The following HS6ST3 variants were observed in gnomAD, a reference collection of about 807,000 sequenced individuals.
HS6ST3 encodes the protein heparan-sulfate 6-O-sulfotransferase 3.
Under a neutral mutation model 36.7 loss-of-function variants are expected in HS6ST3, and 12 were observed. The observed-to-expected ratio is 0.33, with a 90% CI of 0.21 to 0.53. HS6ST3 has a LOEUF of 0.53. HS6ST3 is among the 20% of genes least tolerant of loss of function. HS6ST3 has a pLI of 0.95. For missense variants in HS6ST3, 584 were observed against 640.9 expected, an observed-to-expected ratio of 0.91 and a Z score of 0.96; for synonymous variants, 240 against 257.5, an observed-to-expected ratio of 0.93 and a Z score of 0.65.
At chr13:96,681,027 T>G (rs1474990259) in intron 1 of HS6ST3, among the ~76,000 whole-genome samples, 1 of 152,168 alleles carries the variant, frequency 6.6e-6, no homozygotes, top group East Asian at 1.9e-4. Context: ...CATAAGTTGT[T>G]TTTTCCTAAA....
At chr13:96,756,535 C>CA (rs1403201837) in intron 1 of HS6ST3, among the ~76,000 whole-genome samples, 1 of 151,950 alleles carries the variant, frequency 6.6e-6, no homozygotes, top group Admixed American at 6.6e-5. Flanking sequence ...TAATTTCTAC[C>CA]AAAAAAACCT....
chr13:96,582,061 G>C (rs1055148262), intron 1 of HS6ST3, among the ~76,000 whole-genome samples: 1 of 152,186 alleles, frequency 6.6e-6, no homozygotes, highest in Non-Finnish European at 1.5e-5. Context: ...TGCAGATCTG[G>C]TGTCTAGATC....
intron 1 of HS6ST3, among the ~76,000 whole-genome samples, chr13:96,427,899 C>A (rs2055595160): frequency 6.6e-6 from 1 of 152,148 alleles, no homozygotes; most frequent in Non-Finnish European, 1.5e-5. Context: ...GAATACCTCA[C>A]AATTTGGGAT....
At chr13:96,313,844 T>C (rs1262973218) in intron 1 of HS6ST3, among the ~76,000 whole-genome samples, 4 of 152,174 alleles carry the variant, frequency 2.6e-5, no homozygotes, top group African/African-American at 9.6e-5. Flanking sequence ...GTGAGTCTCC[T>C]TGACTCTTTA....
At position 96,141,060 on chromosome 13, in the gene HS6ST3, A is replaced by G. The variant is rs566979291; in HGVS notation, c.707+49491A>G. ...TTTTTAATGAAGACAAAAGTGTCCT[A>G]TTCTGGACAAAAGAATGTCACAAAA... On this transcript the variant is annotated intron_variant, in intron 1 of 1. Transcript: ENST00000376705. Among the ~76,000 whole-genome samples, 5 of 152,338 alleles carry G rather than the reference A, an allele frequency of 3.3e-5. No individual in the cohort carries two copies. In the South Asian group the frequency reaches 1.0e-3, roughly 32 times the overall value.
chr13:96,129,744 G>T (rs1049230540), intron 1 of HS6ST3, among the ~76,000 whole-genome samples: 2 of 152,174 alleles, frequency 1.3e-5, no homozygotes, highest in Admixed American at 1.3e-4. Flanking sequence ...TTAAAATGAG[G>T]TTATTTTAGG....
At chr13:96,099,314 C>T (rs931111214) in intron 1 of HS6ST3, among the ~76,000 whole-genome samples, 1 of 152,100 alleles carries the variant, frequency 6.6e-6, no homozygotes, top group Non-Finnish European at 1.5e-5. Context: ...TTTGGAACTT[C>T]TCCTCCTGAA....
chr13:96,111,493 G>A (rs1046031865), intron 1 of HS6ST3, among the ~76,000 whole-genome samples: 2 of 152,064 alleles, frequency 1.3e-5, no homozygotes, highest in Admixed American at 6.6e-5. Context: ...GGCTGCTAAG[G>A]CAAATAAATA....
intron 1 of HS6ST3, among the ~76,000 whole-genome samples, chr13:96,543,279 A>G (rs112003863): frequency 1.1e-4 from 16 of 152,288 alleles, no homozygotes; most frequent in African/African-American, 3.8e-4. Flanking sequence ...GATTGGGTCA[A>G]GGTTTCCCTG....
At chr13:96,564,049 TC>T (rs1234992045) in intron 1 of HS6ST3, among the ~76,000 whole-genome samples, 1 of 152,160 alleles carries the variant, frequency 6.6e-6, no homozygotes, top group Non-Finnish European at 1.5e-5. Flanking sequence ...CATTTTTCAG[TC>T]CCCCTCAATA....
intron 1 of HS6ST3, among the ~76,000 whole-genome samples, chr13:96,493,384 G>A (rs777987039): frequency 2.0e-5 from 3 of 152,056 alleles, no homozygotes; most frequent in Non-Finnish European, 2.9e-5. Flanking sequence ...TGCCAATAGA[G>A]CGTTTTGCTA....
rs67524779 is a variant in HS6ST3, at chr13:96,779,316, C to CAATAAT, written c.708-53146_708-53141dup. ...ACATGTATTCCAGAACTTAAAGTAT[C>CAATAAT]AATAATAATAATAATAATAATAATA... On this transcript the variant is annotated intron_variant, in intron 1 of 1. Transcript: ENST00000376705. Among the ~76,000 whole-genome samples, 686 of 147,468 alleles carry CAATAAT rather than the reference C, an allele frequency of 4.7e-3. 5 individuals are homozygous for CAATAAT. The highest frequency in any genetic ancestry group is 0.012 in the African/African-American group (480 of 39,908).
chr13:96,229,414 G>A (rs1326343166), intron 1 of HS6ST3, among the ~76,000 whole-genome samples: 1 of 152,182 alleles, frequency 6.6e-6, no homozygotes, highest in African/African-American at 2.4e-5. Context: ...TCTGGAGTCT[G>A]GGACGACTAG....
chr13:96,453,799 C>T lies in HS6ST3; in HGVS notation c.707+362230C>T, dbSNP rs191113919. Among the ~76,000 whole-genome samples, 58 of 152,290 alleles carry T rather than the reference C, an allele frequency of 3.8e-4. 1 individual carries two copies. The highest frequency in any genetic ancestry group is 3.3e-3 in the Admixed American group (51 of 15,290). On this transcript the variant is annotated intron_variant, in intron 1 of 1. Transcript: ENST00000376705. ...CTTAGTACATAACACCCCTTCTTTTCGCCAACTCTGAATAATCTGAAAAAT... is the reference window on the plus strand; with the variant it reads ...CTTAGTACATAACACCCCTTCTTTTTGCCAACTCTGAATAATCTGAAAAAT...
chr13:96,778,810 T>C (rs941606661), intron 1 of HS6ST3, among the ~76,000 whole-genome samples: 1 of 152,082 alleles, frequency 6.6e-6, no homozygotes, highest in Non-Finnish European at 1.5e-5. Flanking sequence ...CCAGCAATCC[T>C]ATTACTGGGT....
rs192397549 is a variant in HS6ST3, at chr13:96,137,971, G to A, written c.707+46402G>A. ...CAGTGTAAAATGCTGATAAGTAAGTGTCTAGTTCCTGGAAAGTCTTCAGTG... is the reference window on the plus strand; with the variant it reads ...CAGTGTAAAATGCTGATAAGTAAGTATCTAGTTCCTGGAAAGTCTTCAGTG... On this transcript the variant is annotated intron_variant, in intron 1 of 1. Transcript: ENST00000376705. 9.2e-5 allele frequency among the ~76,000 whole-genome samples: 14 copies of A among 152,316 alleles called. No homozygotes were observed. The East Asian group carries it at 2.3e-3, about 25-fold the overall frequency.
At chr13:96,693,429 C>T (rs1434263832) in intron 1 of HS6ST3, among the ~76,000 whole-genome samples, 4 of 152,040 alleles carry the variant, frequency 2.6e-5, no homozygotes, top group East Asian at 3.9e-4. Context: ...CTCAGCCTCC[C>T]GAGTAGCTGG....
intron 1 of HS6ST3, among the ~76,000 whole-genome samples, chr13:96,691,570 CTTATTTTATT>C (rs1022006040): frequency 2.6e-5 from 4 of 151,854 alleles, no homozygotes; most frequent in African/African-American, 9.7e-5. Context: ...TTTATTTTAT[CTTATTTTATT>C]TTTCTTTCTT....
chr13:96,434,098 A>G (rs2055629869), intron 1 of HS6ST3, among the ~76,000 whole-genome samples: 1 of 152,190 alleles, frequency 6.6e-6, no homozygotes, highest in East Asian at 1.9e-4. Context: ...AGGGCTCAGA[A>G]GAAATCACCC....
Sources: allele counts gnomAD v4.1 joint callset (sites outside exome capture counted in the v4.1 genomes callset), GRCh38; gene constraint gnomAD v4.1.1; transcripts MANE v1.5; gene names NCBI Gene and HGNC (gene_info 2026-07-23, HGNC 2026-07-21).